The following PHACTR2 variants were observed in gnomAD, a reference collection of about 807,000 sequenced individuals.
PHACTR2 encodes the protein chromosome 6 open reading frame 56.
PHACTR2 carries 30 observed loss-of-function variants against 76.0 expected under a neutral mutation model. The observed-to-expected ratio is 0.39, with a 90% CI of 0.30 to 0.54. The LOEUF (loss-of-function observed/expected upper bound fraction) is 0.54, where lower values mean the gene tolerates loss of function less well. Among genes scored for constraint, PHACTR2 ranks in the 20% least tolerant of loss-of-function variants. The probability of loss-of-function intolerance (pLI) is 0.61; values close to 1 mark genes in which losing one functional copy is unlikely to be tolerated. For synonymous variants in PHACTR2, 292 were observed against 292.5 expected (o/e 1.00, Z 0.02); for missense variants, 696 against 781.1 (o/e 0.89, Z 1.30).
Position 143,678,195 on chromosome 6 carries a change from C to G in PHACTR2, c.32C>G (p.Pro11Arg), listed in dbSNP as rs1231590920. 8.5e-6 allele frequency: 13 copies of G among 1,537,416 alleles called. No individual in the cohort carries two copies. The East Asian group carries it at 3.3e-4, about 39-fold the overall frequency. Residue 11 changes from proline to arginine, a missense_variant, in exon 1 of 13, where the codon CCG becomes CGG. This residue lies in a region of PHACTR2 where 460 missense variants were observed against 450.9 expected (regional missense o/e 1.02). Transcript: ENST00000440869. This position sits in a 1 kb window ranked among gnomAD's most constrained non-coding sequence, Gnocchi z 6.2. MGQTSVSTLS[P>R]QPGSVDGLDK... ...CAGACCTCGGTGTCCACGCTGTCCC[C>G]GCAGCCCGGCAGCGGTGAGTCCGGG...
chr6:143,803,584 T>C lies in PHACTR2; in HGVS notation c.1846-3473T>C, dbSNP rs1279571556. ...AATAAATAAATGAATATAAAAACTG[T>C]TCTTGGAGTTGTTTCTAAATAGAAC... On this transcript the variant is annotated intron_variant, in intron 11 of 12. Transcript: ENST00000440869. This position sits in a 1 kb window ranked among gnomAD's most constrained non-coding sequence, Gnocchi z 4.7. Among the ~76,000 whole-genome samples the C allele has an allele frequency of 6.6e-6, 1 of 152,114 alleles. No homozygotes were observed. The highest frequency in any genetic ancestry group is 1.9e-4 in the East Asian group (1 of 5,192).
intron 1 of PHACTR2, among the ~76,000 whole-genome samples, chr6:143,538,659 C>CA (rs1377936688): frequency 2.6e-5 from 4 of 152,296 alleles, no homozygotes; most frequent in African/African-American, 4.8e-5. Flanking sequence ...GCTTCCTGTT[C>CA]AAAAAAGCAC....
chr6:143,766,452 T>C (rs1035468635), intron 6 of PHACTR2, among the ~76,000 whole-genome samples: 2 of 152,206 alleles, frequency 1.3e-5, no homozygotes, highest in East Asian at 1.9e-4. Context: ...AGGATGCTCA[T>C]TGAATTGTTG....
intron 2 of PHACTR2, among the ~76,000 whole-genome samples, chr6:143,723,729 G>T (rs1317994117): frequency 6.6e-6 from 1 of 151,982 alleles, no homozygotes; most frequent in Non-Finnish European, 1.5e-5. Context: ...CAAGACACTG[G>T]GTCGGAGTCT....
Position 143,760,893 on chromosome 6 carries a change from G to A in PHACTR2, c.694+253G>A, listed in dbSNP as rs76348807. Among the ~76,000 whole-genome samples, 1,653 of 152,220 alleles carry A rather than the reference G, an allele frequency of 0.011. 28 individuals are homozygous for A. Among genetic ancestry groups the A allele is most frequent in the African/African-American group, 0.038 (1,572 of 41,526 alleles). ...GTTTCATCTTGAGTATCCACTATCA[G>A]CACCAGTTGAAGGATACTGGGAGTA... On this transcript the variant is annotated intron_variant, in intron 5 of 12. Transcript: ENST00000440869. This position sits in a 1 kb window ranked among gnomAD's most constrained non-coding sequence, Gnocchi z 6.4.
intron 2 of PHACTR2, among the ~76,000 whole-genome samples, chr6:143,713,835 T>C (rs1393174325): frequency 6.6e-6 from 1 of 152,142 alleles, no homozygotes; most frequent in East Asian, 1.9e-4. Flanking sequence ...TCACATGTGC[T>C]TAAGCATTGG....
In PHACTR2 at chr6:143,647,165, CT is replaced by C. The variant is rs1403655440; in HGVS notation, c.13+38845del. Among the ~76,000 whole-genome samples the C allele has an allele frequency of 2.0e-5, 3 of 152,148 alleles. No homozygotes were observed. Among genetic ancestry groups the C allele is most frequent in the African/African-American group, 7.2e-5 (3 of 41,416 alleles). On this transcript the variant is annotated intron_variant, in intron 1 of 11. Transcript: ENST00000305766. The surrounding 1 kb of genome is among the most constrained non-coding windows in gnomAD (Gnocchi z 4.2). ...ACATTGATAATTGGAAATATTACAACTTATTGCAAAGGTACTAAGTATTATC... is the reference window on the plus strand; with the variant it reads ...ACATTGATAATTGGAAATATTACAACTATTGCAAAGGTACTAAGTATTATC...
intron 1 of PHACTR2, among the ~76,000 whole-genome samples, chr6:143,706,447 G>A (rs760279503): frequency 1.4e-4 from 22 of 152,134 alleles, no homozygotes; most frequent in South Asian, 4.1e-4. Context: ...GGGCAAACAC[G>A]GGTTCATGCA....
rs1775915842 is a variant in PHACTR2, at chr6:143,608,355, G to T, written c.13+33G>T. 1 of 1,612,224 alleles carries T rather than the reference G, an allele frequency of 6.2e-7. No individual in the cohort carries two copies. Among genetic ancestry groups the T allele is most frequent in the Non-Finnish European group, 8.5e-7 (1 of 1,178,324 alleles). ...AATCAAGCATGAATTCTTCATAGCT[G>T]CTGGCTTCCTTTGCAGCCCGCATCC... is the stretch of plus-strand genomic sequence containing the variant. On this transcript the variant is annotated intron_variant, in intron 1 of 11. Coordinates refer to the PHACTR2 transcript ENST00000305766. The surrounding 1 kb of genome is among the most constrained non-coding windows in gnomAD (Gnocchi z 4.6).
intron 1 of PHACTR2, among the ~76,000 whole-genome samples, chr6:143,637,912 C>G (rs1219143345): frequency 6.6e-6 from 1 of 152,180 alleles, no homozygotes; most frequent in South Asian, 2.1e-4. Flanking sequence ...AAACAAGACA[C>G]AGGTCCCACC....
chr6:143,766,619 A>G (rs1359484955), intron 6 of PHACTR2, among the ~76,000 whole-genome samples: 1 of 152,224 alleles, frequency 6.6e-6, no homozygotes, highest in Admixed American at 6.5e-5. Context: ...AGTTTCATTT[A>G]AGAAGGTACC....
At chr6:143,796,915 G>A (rs1775841759) in intron 11 of PHACTR2, among the ~76,000 whole-genome samples, 1 of 152,028 alleles carries the variant, frequency 6.6e-6, no homozygotes, top group Admixed American at 6.6e-5. Flanking sequence ...TAATCCTTTG[G>A]GTATACATCC....
intron 1 of PHACTR2, among the ~76,000 whole-genome samples, chr6:143,681,042 A>G (rs1031262992): frequency 1.3e-5 from 2 of 152,186 alleles, no homozygotes; most frequent in African/African-American, 2.4e-5. Context: ...GCTTTGGGCT[A>G]TTTATGAATA....
intron 1 of PHACTR2, among the ~76,000 whole-genome samples, chr6:143,584,962 G>A (rs907402257): frequency 1.4e-5 from 2 of 144,754 alleles, no homozygotes; most frequent in African/African-American, 2.6e-5. Context: ...CCAAGACCCT[G>A]GCTGGTCCTA....
chr6:143,630,966 C>A (rs888070399), intron 1 of PHACTR2, among the ~76,000 whole-genome samples: 2 of 152,204 alleles, frequency 1.3e-5, no homozygotes, highest in African/African-American at 4.8e-5. Flanking sequence ...GTGACACAAA[C>A]TGTAGCAACA....
intron 2 of PHACTR2, among the ~76,000 whole-genome samples, chr6:143,721,637 A>ATGTG (rs5880570): frequency 2.0e-5 from 3 of 150,732 alleles, no homozygotes; most frequent in Non-Finnish European, 4.4e-5. Flanking sequence ...CTATCTTCTG[A>ATGTG]TGTGTGTGTG....
At chr6:143,810,512 C>T in intron 12 of PHACTR2, 1 of 449,034 alleles carries the variant, frequency 2.2e-6, no homozygotes, top group Non-Finnish European at 4.5e-6. Flanking sequence ...TCATTGATTT[C>T]TATTAGATTG....
rs1775983227 is a variant in PHACTR2 at position 143,611,921 on chromosome 6, A to G, written c.13+3599A>G. On this transcript the variant is annotated intron_variant, in intron 1 of 11. Coordinates refer to the PHACTR2 transcript ENST00000305766. This position sits in a 1 kb window ranked among gnomAD's most constrained non-coding sequence, Gnocchi z 4.4. ...ACGAGTGGATATGGAGGCAGGGAGAACTGCAGCAGTCAAAGGAGACCCTGG... is the reference window on the plus strand; with the variant it reads ...ACGAGTGGATATGGAGGCAGGGAGAGCTGCAGCAGTCAAAGGAGACCCTGG... Among the ~76,000 whole-genome samples the G allele has an allele frequency of 6.6e-6, 1 of 152,172 alleles. No individual in the cohort carries two copies. Among genetic ancestry groups the G allele is most frequent in the African/African-American group, 2.4e-5 (1 of 41,446 alleles).
At chr6:143,813,261 T>A (rs907923266) in intron 12 of PHACTR2, among the ~76,000 whole-genome samples, 1 of 152,160 alleles carries the variant, frequency 6.6e-6, no homozygotes, top group African/African-American at 2.4e-5. Flanking sequence ...CAAGAGATCA[T>A]TGGCATAATG....
Sources: gnomAD v4.1 joint callset for allele counts (sites outside exome capture counted in the v4.1 genomes callset) on GRCh38, gnomAD v4.1.1 for gene constraint, gnomAD v4.1.1 regional missense constraint, Gnocchi (gnomAD v3.1) non-coding constraint, MANE v1.5 for transcripts, NCBI Gene and HGNC (gene_info 2026-07-23, HGNC 2026-07-21) for gene names.